The following M6PR variants were observed in gnomAD, a reference collection of about 807,000 sequenced individuals.
M6PR encodes the protein cation-dependent mannose-6-phosphate receptor.
M6PR carries 19 observed loss-of-function variants against 33.1 expected under a neutral mutation model. That is an observed-to-expected ratio of 0.57 (90% confidence interval 0.40 to 0.84). The LOEUF (loss-of-function observed/expected upper bound fraction) is 0.84, where lower values mean the gene tolerates loss of function less well. M6PR is among the 40% of genes least tolerant of loss of function. The pLI is 0.00. For missense variants in M6PR, 295 were observed against 336.0 expected (o/e 0.88, Z 0.95); for synonymous variants, 111 against 123.4 (o/e 0.90, Z 0.67).
At chr12:8,943,662 G>T in intron 4 of M6PR, 127 bp from the exon 5 acceptor site, 1 of 1,367,662 alleles carries the variant, frequency 7.3e-7, no homozygotes, top group Non-Finnish European at 1.0e-6. Flanking sequence ...GAAGATGCGT[G>T]TCTGACACAG....
In M6PR at chr12:8,945,440, G is replaced by A. The variant is rs775345858; in HGVS notation, c.321C>T (p.Asn107=). ...TACTTCCGTTGAAGATGTGAGTCTC[G>A]TTGAGTCTCCCTACCACTGTCTCCT... is the stretch of plus-strand genomic sequence containing the variant. ...NGKETVVGRL[N]ETHIFNGSNW... The change falls in exon 3 of 7, where the codon AAC becomes AAT. Residue 107 remains asparagine, a synonymous_variant. Transcript: ENST00000000412. The A allele has an allele frequency of 1.7e-5, 27 of 1,614,070 alleles. No homozygotes were observed. Among genetic ancestry groups the A allele is most frequent in the Middle Eastern group, 1.7e-4 (1 of 6,044 alleles).
rs2137154339 is a variant in M6PR, at chr12:8,941,159, G to A, written c.*659C>T. 2 of 148,466 alleles carry A rather than the reference G, an allele frequency of 1.3e-5. No homozygotes were observed. The highest frequency in any genetic ancestry group is 4.3e-4 in the South Asian group (2 of 4,624). The allele number at this position is 148,466 out of a possible 1,614,324, so 9.2% of individuals were successfully genotyped here. On this transcript the variant is annotated 3_prime_UTR_variant, in exon 7 of 7. Coordinates refer to ENST00000000412, the MANE Select transcript of M6PR (RefSeq NM_002355.4). ...TCCTTAGCCCAATCCCAGCTATACA[G>A]TCACCCCAATTTCCACAAATGATGT...
chr12:8,942,286 T>C (rs1592220982), intron 6 of M6PR, 130 bp downstream of exon 6: 2 of 1,256,662 alleles, frequency 1.6e-6, no homozygotes, highest in East Asian at 2.4e-5. Context: ...TCTTGTTTGC[T>C]GGGACTTTTG....
intron 3 of M6PR, 197 bp downstream of exon 3, chr12:8,945,221 T>C (rs1028662209): frequency 2.6e-5 from 14 of 530,490 alleles, no homozygotes; most frequent in African/African-American, 2.1e-4. Flanking sequence ...CTGATTTTAA[T>C]GCACAACTGT....
At chr12:8,948,051 C>G (rs895780250) in intron 1 of M6PR, among the ~76,000 whole-genome samples, 3 of 152,188 alleles carry the variant, frequency 2.0e-5, no homozygotes, top group Non-Finnish European at 4.4e-5. Context: ...TCCAGTCTCT[C>G]AGGACCTAAT....
Position 8,945,294 on chromosome 12 carries a change from G to C in M6PR, c.343+124C>G, listed in dbSNP as rs767158830. On this transcript the variant is annotated intron_variant, in intron 3 of 6. Coordinates refer to ENST00000000412, the MANE Select transcript of M6PR (RefSeq NM_002355.4). ...CATCCTGTGGTATATTACAGTCTCA[G>C]GTGTGCCGAACCACACGTATGATAT... 2.0e-4 allele frequency: 182 copies of C among 931,154 alleles called. No individual in the cohort carries two copies. The African/African-American group carries it at 2.9e-3, about 15-fold the overall frequency. The allele number at this position is 931,154 out of a possible 1,614,324, so 57.7% of individuals were successfully genotyped here.
intron 1 of M6PR, 179 bp from the exon 2 acceptor site, chr12:8,946,584 A>C: frequency 1.9e-6 from 1 of 519,688 alleles, no homozygotes; most frequent in Non-Finnish European, 3.4e-6. Context: ...CATCTGCAGC[A>C]GAAAATTCAT....
At position 8,943,684 on chromosome 12, in the gene M6PR, GCTC is replaced by G. The variant is rs1435344330; in HGVS notation, c.453+114_453+116del. ...CGTGTCTGACACAGAGAGAAACTGA[GCTC>G]CTAGTTTTCTAATGTCCATCCCAAC... On this transcript the variant is annotated intron_variant, in intron 4 of 6. Coordinates refer to ENST00000000412, the MANE Select transcript of M6PR (RefSeq NM_002355.4). The G allele has an allele frequency of 5.0e-5, 66 of 1,324,076 alleles. No homozygotes were observed. In the Middle Eastern group the frequency reaches 1.5e-3, roughly 30 times the overall value. 82.0% of individuals were successfully genotyped at this position (1,324,076 alleles called of 1,614,324 possible). A position where few individuals can be genotyped will look rare whatever the true frequency, so the allele number is the denominator to read the frequency against.
In M6PR at chr12:8,942,528, A is replaced by G; in HGVS notation, c.599T>C (p.Val200Ala). ...GAACCCCCCAACAACATAAACAGCA[A>G]CCAGTGATGCAAACCTGTAGAGAGA... ...SILLVTFASL[V>A]AVYVVGGFLY... Residue 200 changes from valine (V) to alanine (A), a missense_variant, in exon 6 of 7, where the codon GTT becomes GCT. Physicochemically the swap from Val to Ala is moderately conservative, Grantham distance 64 (BLOSUM62 0). Coordinates refer to ENST00000000412, the MANE Select transcript of M6PR (RefSeq NM_002355.4). 6.2e-7 allele frequency: 1 copy of G among 1,614,186 alleles called. No homozygotes were observed.
In M6PR at chr12:8,943,966, C is replaced by G. The variant is rs778844205; in HGVS notation, c.344-56G>C. 9.9e-5 allele frequency: 116 copies of G among 1,166,172 alleles called. 1 individual carries two copies. In the Middle Eastern group the frequency reaches 1.2e-3, roughly 12 times the overall value. The allele number at this position is 1,166,172 out of a possible 1,614,324, so 72.2% of individuals were successfully genotyped here. On this transcript the variant is annotated intron_variant, in intron 3 of 6. Coordinates refer to ENST00000000412, the MANE Select transcript of M6PR (RefSeq NM_002355.4). ...GGGTGGGGGAAAAGCAGAGGCAGAT[C>G]TGGGTGGTATGGCAGAGTGGAATTG... is the stretch of plus-strand genomic sequence containing the variant.
At chr12:8,942,654 G>C in intron 5 of M6PR, 112 bp from the exon 6 acceptor site, 1 of 1,157,546 alleles carries the variant, frequency 8.6e-7, no homozygotes, top group Non-Finnish European at 1.2e-6. Flanking sequence ...TCCCTGAAAA[G>C]GAAAAATGAG....
At chr12:8,943,623 C>T in intron 4 of M6PR, 88 bp from the exon 5 acceptor site, 3 of 1,535,298 alleles carry the variant, frequency 2.0e-6, no homozygotes, top group Non-Finnish European at 2.7e-6. Context: ...ACATCTGCTC[C>T]TTCCTGGTTC....
chr12:8,943,750 G>A, intron 4 of M6PR, 51 bp downstream of exon 4: 5 of 1,515,986 alleles, frequency 3.3e-6, no homozygotes, highest in Non-Finnish European at 4.6e-6. Flanking sequence ...CCAACCTCAG[G>A]TCAGTCCTTT....
In M6PR at chr12:8,941,924, A is replaced by G. The variant is rs1456956010; in HGVS notation, c.728T>C (p.Val243Ala). 1 of 1,614,200 alleles carries G rather than the reference A, an allele frequency of 6.2e-7. No individual in the cohort carries two copies. Among genetic ancestry groups the G allele is most frequent in the East Asian group, 2.2e-5 (1 of 44,888 alleles). The part of the protein sequence containing the change: ...GNLVADGCDF[V>A]CRSKPRNVPA... ...CACATTTCGAGGTTTAGAACGGCAG[A>G]CAAAGTCACAGCCATCCTGTAGGGG... Residue 243 changes from valine (V) to alanine (A), a missense_variant, in exon 7 of 7, where the codon GTC becomes GCC. Coordinates refer to ENST00000000412, the MANE Select transcript of M6PR (RefSeq NM_002355.4).
chr12:8,941,721 G>T lies in M6PR; in HGVS notation c.*97C>A. 1 of 1,460,518 alleles carries T rather than the reference G, an allele frequency of 6.8e-7. No homozygotes were observed. 90.5% of individuals were successfully genotyped at this position (1,460,518 alleles called of 1,614,324 possible). Reference sequence around the variant, plus strand: ...CTGGAAAGCAAGAGCAATAGTAAGGGTGAGATGAGGGACTGGAGTTGAGAC... The same window carrying T: ...CTGGAAAGCAAGAGCAATAGTAAGGTTGAGATGAGGGACTGGAGTTGAGAC... On this transcript the variant is annotated 3_prime_UTR_variant, in exon 7 of 7. Transcript: ENST00000000412.
intron 3 of M6PR, among the ~76,000 whole-genome samples, chr12:8,944,562 C>T (rs780156511): frequency 6.6e-6 from 1 of 152,200 alleles, no homozygotes; most frequent in East Asian, 1.9e-4. Context: ...GTATTATTTA[C>T]CAGGAGTAAA....
intron 5 of M6PR, chr12:8,943,154 G>C (rs1188088204): frequency 7.4e-6 from 3 of 405,142 alleles, no homozygotes; most frequent in Non-Finnish European, 1.4e-5. Flanking sequence ...GTTTCATCAT[G>C]TTGGTCAGGT....
rs201697448 is a variant in M6PR at position 8,940,510 on chromosome 12, GAAA to G, written c.*1305_*1307del. On this transcript the variant is annotated 3_prime_UTR_variant, in exon 7 of 7. Coordinates refer to ENST00000000412, the MANE Select transcript of M6PR (RefSeq NM_002355.4). ...TAACATTATTTTCCCTGTTTAGAAAGAAAAAAATCACTCCAATAGTATTGAAAA... is the reference window on the plus strand; with the variant it reads ...TAACATTATTTTCCCTGTTTAGAAAGAAAATCACTCCAATAGTATTGAAAA... 7.8e-6 allele frequency: 1 copy of G among 127,716 alleles called. No homozygotes were observed. The highest frequency in any genetic ancestry group is 2.5e-4 in the East Asian group (1 of 3,988). The allele number at this position is 127,716 out of a possible 1,614,324, so 7.9% of individuals were successfully genotyped here.
Position 8,943,712 on chromosome 12 carries a change from C to A in M6PR, c.453+89G>T, listed in dbSNP as rs1465957524. The A allele has an allele frequency of 8.2e-6, 11 of 1,343,152 alleles. No homozygotes were observed. The African/African-American group carries it at 1.6e-4, about 19-fold the overall frequency. 83.2% of individuals were successfully genotyped at this position (1,343,152 alleles called of 1,614,324 possible). ...CCTAGTTTTCTAATGTCCATCCCAA[C>A]GTATCGTGTCCCCTCTGGATATTCT... On this transcript the variant is annotated intron_variant, in intron 4 of 6. Transcript: ENST00000000412.
Sources: allele counts gnomAD v4.1 joint callset (sites outside exome capture counted in the v4.1 genomes callset), GRCh38; gene constraint gnomAD v4.1.1; transcripts MANE v1.5; gene names NCBI Gene and HGNC (gene_info 2026-07-23, HGNC 2026-07-21).